The following ATG10 variants were observed in gnomAD, a reference collection of about 807,000 sequenced individuals.
ATG10 encodes autophagy related 10.
ATG10 carries 30 observed loss-of-function variants against 32.1 expected under a neutral mutation model. That is an observed-to-expected ratio of 0.94 (90% confidence interval 0.70 to 1.27). The LOEUF is 1.27. Ranked by LOEUF, ATG10 falls within the 50% of genes most tolerant of loss-of-function variation. The pLI is 0.00. For missense variants in ATG10, 233 were observed against 262.3 expected (o/e 0.89, Z 0.77); for synonymous variants, 87 against 91.5 (o/e 0.95, Z 0.28).
At position 81,993,343 on chromosome 5, in the gene ATG10, C is replaced by CT. The variant is rs1199952674; in HGVS notation, c.108+5668dup. Among the ~76,000 whole-genome samples, 222 of 39,096 alleles carry CT rather than the reference C, an allele frequency of 5.7e-3. 11 individuals are homozygous for CT. The highest frequency in any genetic ancestry group is 8.8e-3 in the Middle Eastern group (1 of 114). 25.6% of individuals were successfully genotyped at this position (39,096 alleles called of 152,430 possible). A position where few individuals can be genotyped will look rare whatever the true frequency, so the allele number is the denominator to read the frequency against. The stretch of plus-strand genomic sequence containing the variant: ...TCTTTCTTTCCTTCCTTCCTTCTTT[C>CT]TTTCTTTCTTTCTTTCCTTCTTTTC... On this transcript the variant is annotated intron_variant, in intron 2 of 7. Coordinates refer to ENST00000282185, the MANE Select transcript of ATG10 (RefSeq NM_031482.5).
At chr5:82,225,157 A>G (rs1746075624) in intron 5 of ATG10, among the ~76,000 whole-genome samples, 1 of 152,202 alleles carries the variant, frequency 6.6e-6, no homozygotes, top group Non-Finnish European at 1.5e-5. Flanking sequence ...AAGAAATTTC[A>G]AATTTTATGG....
At chr5:82,053,099 C>T (rs1441584071) in intron 2 of ATG10, among the ~76,000 whole-genome samples, 1 of 152,166 alleles carries the variant, frequency 6.6e-6, no homozygotes, top group Admixed American at 6.6e-5. Context: ...TCCCCTGCCC[C>T]AGCAATGTAT....
At chr5:82,096,333 A>C (rs1765063586) in intron 3 of ATG10, among the ~76,000 whole-genome samples, 1 of 152,358 alleles carries the variant, frequency 6.6e-6, no homozygotes, top group Non-Finnish European at 1.5e-5. Context: ...ACAGTTTAGA[A>C]GTTAGCTCTT....
chr5:82,175,098 T>C (rs1004948109), intron 4 of ATG10, among the ~76,000 whole-genome samples: 29 of 152,320 alleles, frequency 1.9e-4, no homozygotes, highest in African/African-American at 6.7e-4. Flanking sequence ...AATTTTTCCA[T>C]TGGTTTCCTC....
intron 3 of ATG10, among the ~76,000 whole-genome samples, chr5:82,146,928 A>T (rs917222598): frequency 6.6e-6 from 1 of 152,202 alleles, no homozygotes; most frequent in Non-Finnish European, 1.5e-5. Context: ...ATCTACATAT[A>T]AACCTCAACA....
intron 3 of ATG10, among the ~76,000 whole-genome samples, chr5:82,151,529 C>A (rs1057074775): frequency 1.3e-5 from 2 of 151,774 alleles, no homozygotes; most frequent in African/African-American, 4.8e-5. Flanking sequence ...TTACCTGTGC[C>A]CTGGATATCT....
intron 3 of ATG10, among the ~76,000 whole-genome samples, chr5:82,129,619 G>A (rs1319602169): frequency 3.3e-5 from 5 of 152,104 alleles, no homozygotes; most frequent in Non-Finnish European, 7.4e-5. Context: ...CAGGACTGCT[G>A]GAGTTTCCTG....
chr5:82,119,966 G>A (rs1351874884), intron 3 of ATG10, among the ~76,000 whole-genome samples: 4 of 150,414 alleles, frequency 2.7e-5, no homozygotes, highest in Non-Finnish European at 5.9e-5. Flanking sequence ...TTATTTGGCT[G>A]TAGGAGTCCA....
chr5:82,157,385 G>A (rs771102992), intron 3 of ATG10, among the ~76,000 whole-genome samples: 59 of 152,012 alleles, frequency 3.9e-4, no homozygotes, highest in Non-Finnish European at 6.8e-4. Context: ...TGTTGAACCC[G>A]CTGATATGTA....
chr5:82,055,998 G>A (rs1763583255), intron 2 of ATG10, among the ~76,000 whole-genome samples: 1 of 152,086 alleles, frequency 6.6e-6, no homozygotes, highest in Non-Finnish European at 1.5e-5. Context: ...ATACCATTTG[G>A]GTTTGTGTAA....
chr5:82,253,535 G>A lies in ATG10; in HGVS notation c.*4+106G>A, dbSNP rs1738115450. Reference sequence around the variant, plus strand: ...GCAAAATTTGCTTTCATCTTTAGTGGGCAAACCCTGACTTAATTTTTAGTT... The same window carrying A: ...GCAAAATTTGCTTTCATCTTTAGTGAGCAAACCCTGACTTAATTTTTAGTT... On this transcript the variant is annotated intron_variant, in intron 7 of 7. Transcript: ENST00000282185. 8.2e-6 allele frequency: 6 copies of A among 731,988 alleles called. No homozygotes were observed. In the Admixed American group the frequency reaches 1.4e-4, roughly 17 times the overall value. The allele number at this position is 731,988 out of a possible 1,614,324, so 45.3% of individuals were successfully genotyped here. A position where few individuals can be genotyped will look rare whatever the true frequency, so the allele number is the denominator to read the frequency against.
chr5:82,132,253 T>A (rs12516434), intron 3 of ATG10, among the ~76,000 whole-genome samples: 105,921 of 151,822 alleles, frequency 0.7, 37,423 homozygotes, highest in East Asian at 0.98. Context: ...TATTATTATT[T>A]TTTTTTATTA....
chr5:82,027,580 A>G (rs936789476), intron 2 of ATG10, among the ~76,000 whole-genome samples: 2 of 152,116 alleles, frequency 1.3e-5, no homozygotes, highest in African/African-American at 4.8e-5. Flanking sequence ...AAGTTCCCTA[A>G]CTCTATAAAT....
At chr5:82,229,185 TG>T (rs1432922394) in intron 5 of ATG10, among the ~76,000 whole-genome samples, 1 of 152,150 alleles carries the variant, frequency 6.6e-6, no homozygotes, top group Admixed American at 6.5e-5. Context: ...GAGGCAGAAA[TG>T]GAGAGGCCGG....
chr5:81,991,919 A>G (rs1761475661), intron 2 of ATG10: 1 of 152,000 alleles, frequency 6.6e-6, no homozygotes, highest in African/African-American at 2.4e-5. Context: ...CTCAACCACT[A>G]CAGCTCAGGT....
chr5:82,238,862 G>A (rs1001774241), intron 5 of ATG10, among the ~76,000 whole-genome samples: 3 of 152,100 alleles, frequency 2.0e-5, no homozygotes, highest in African/African-American at 7.2e-5. Flanking sequence ...CATACCTTAG[G>A]GGGATACAGT....
chr5:82,139,896 G>T (rs1293382372), intron 3 of ATG10, among the ~76,000 whole-genome samples: 1 of 137,592 alleles, frequency 7.3e-6, no homozygotes, highest in African/African-American at 2.7e-5. Context: ...AGGTGGGGGG[G>T]TCAGCCCCCC....
chr5:82,171,279 G>A (rs1172029552), intron 4 of ATG10, among the ~76,000 whole-genome samples: 1 of 152,164 alleles, frequency 6.6e-6, no homozygotes, highest in Non-Finnish European at 1.5e-5. Context: ...TTGGGCATAT[G>A]TTCATAAAAA....
chr5:82,161,437 G>T (rs779119038), intron 3 of ATG10, among the ~76,000 whole-genome samples: 5 of 151,996 alleles, frequency 3.3e-5, no homozygotes, highest in Non-Finnish European at 5.9e-5. Flanking sequence ...AGAGAATATG[G>T]ATCTATGCCT....
Sources: allele counts gnomAD v4.1 joint callset (sites outside exome capture counted in the v4.1 genomes callset), GRCh38; gene constraint gnomAD v4.1.1; transcripts MANE v1.5; gene names NCBI Gene and HGNC (gene_info 2026-07-23, HGNC 2026-07-21).